Variants in ZC3H12D observed in about 807,000 individuals in gnomAD.
ZC3H12D encodes the protein probable ribonuclease ZC3H12D.
ZC3H12D carries 11 observed loss-of-function variants against 24.2 expected under a neutral mutation model. The observed-to-expected ratio is 0.46, with a 90% confidence interval of 0.29 to 0.75. The LOEUF (loss-of-function observed/expected upper bound fraction) is 0.75. Among genes scored for constraint, ZC3H12D ranks in the 30% least tolerant of loss-of-function variants. The pLI is 0.11. For synonymous variants in ZC3H12D, 333 were observed against 341.8 expected (o/e 0.97, Z 0.28); for missense variants, 740 against 767.7 (o/e 0.96, Z 0.43).
At chr6:149,458,513 C>T (rs529722921) in intron 3 of ZC3H12D, among the ~76,000 whole-genome samples, 2 of 152,204 alleles carry the variant, frequency 1.3e-5, no homozygotes, top group Non-Finnish European at 2.9e-5. Flanking sequence ...AGCAGCTTGT[C>T]TTTTTCGTTC....
At chr6:149,480,082 C>T (rs903440337) in intron 1 of ZC3H12D, among the ~76,000 whole-genome samples, 4 of 152,180 alleles carry the variant, frequency 2.6e-5, no homozygotes, top group Non-Finnish European at 5.9e-5. Context: ...CTCATTCACT[C>T]CCTTGTGTAA....
chr6:149,458,124 G>GTTTTTTTTTTT (rs1562472740), intron 3 of ZC3H12D, among the ~76,000 whole-genome samples: 4 of 37,596 alleles, frequency 1.1e-4, no homozygotes, highest in African/African-American at 1.9e-4. Flanking sequence ...TTTTTTTTTC[G>GTTTTTTTTTTT]TTTCTTTTTT....
chr6:149,477,261 G>C (rs768388859), intron 1 of ZC3H12D, among the ~76,000 whole-genome samples: 1 of 152,262 alleles, frequency 6.6e-6, no homozygotes, highest in Non-Finnish European at 1.5e-5. Context: ...GGTCTGGCAG[G>C]TGAAGGGCAT....
At chr6:149,470,845 G>A (rs1271306933) in intron 2 of ZC3H12D, among the ~76,000 whole-genome samples, 7 of 152,234 alleles carry the variant, frequency 4.6e-5, no homozygotes, top group African/African-American at 7.2e-5. Flanking sequence ...TCAAGTGCTC[G>A]AACGTCACAC....
At chr6:149,476,412 G>T (rs1471944309) in intron 1 of ZC3H12D, among the ~76,000 whole-genome samples, 1 of 152,166 alleles carries the variant, frequency 6.6e-6, no homozygotes, top group African/African-American at 2.4e-5. Context: ...GCTGAGGCAG[G>T]AGACTCGCTG....
intron 4 of ZC3H12D, among the ~76,000 whole-genome samples, chr6:149,455,050 C>T (rs147752224): frequency 6.6e-6 from 1 of 152,322 alleles, no homozygotes; most frequent in East Asian, 1.9e-4. Flanking sequence ...TTATTAATCC[C>T]TTTTCAAGGT....
intron 2 of ZC3H12D, among the ~76,000 whole-genome samples, chr6:149,463,482 A>G (rs786750): frequency 0.48 from 72,283 of 152,122 alleles, 20,742 homozygotes; most frequent in African/African-American, 0.81. Flanking sequence ...AGGCCGAGGC[A>G]GGTGGATCAT....
intron 1 of ZC3H12D, among the ~76,000 whole-genome samples, chr6:149,475,396 T>G (rs1776319108): frequency 1.3e-5 from 2 of 152,120 alleles, no homozygotes; most frequent in Admixed American, 1.3e-4. Context: ...AATGATTAAC[T>G]CAGACCACAC....
rs200789491 is a variant in ZC3H12D, at chr6:149,474,459, C to T, written c.85G>A (p.Glu29Lys). ...DVLRVLGKLG[E>K]GALVNDVLQE... ...AGCACGTCGTTGACCAGGGCGCCCT[C>T]GCCCAGCTTGCCCAACACCCGGAGC... The change falls in exon 2 of 6, where the codon GAG becomes AAG. Residue 29 changes from glutamate to lysine, a missense_variant. Coordinates refer to ENST00000409806, the MANE Select transcript of ZC3H12D (RefSeq NM_207360.3). The T allele has an allele frequency of 7.8e-5, 124 of 1,596,514 alleles. No individual in the cohort carries two copies. In the African/African-American group the frequency reaches 1.4e-3, roughly 18 times the overall value.
rs531938821 is a variant in ZC3H12D at position 149,482,313 on chromosome 6, T to C, written c.-71+2500A>G. On this transcript the variant is annotated intron_variant, in intron 1 of 5. Coordinates refer to ENST00000409806, the MANE Select transcript of ZC3H12D (RefSeq NM_207360.3). ...GCCGCAGCCTTCCCCCGGGACGTGATGGTCTCTGAGCTGCAGCTCTGCCAG... is the reference window on the plus strand; with the variant it reads ...GCCGCAGCCTTCCCCCGGGACGTGACGGTCTCTGAGCTGCAGCTCTGCCAG... Among the ~76,000 whole-genome samples the C allele has an allele frequency of 7.2e-5, 11 of 152,392 alleles. No individual in the cohort carries two copies. The East Asian group carries it at 2.1e-3, about 29-fold the overall frequency.
At position 149,456,979 on chromosome 6, in the gene ZC3H12D, C is replaced by G. The variant is rs1156702783; in HGVS notation, c.446-79G>C. ...GAACCACCCCCAACGCGAGGCCACC[C>G]GCTTCCCGGGCCGGTCAGATGAGGT... On this transcript the variant is annotated intron_variant, in intron 3 of 5. Transcript: ENST00000409806. This position sits in a 1 kb window ranked among gnomAD's most constrained non-coding sequence, Gnocchi z 4.3. 7.1e-7 allele frequency: 1 copy of G among 1,408,180 alleles called. No individual in the cohort carries two copies. The highest frequency in any genetic ancestry group is 1.4e-5 in the African/African-American group (1 of 70,894). 87.2% of individuals were successfully genotyped at this position (1,408,180 alleles called of 1,614,324 possible).
chr6:149,480,420 T>C (rs1000585728), intron 1 of ZC3H12D, among the ~76,000 whole-genome samples: 6 of 152,218 alleles, frequency 3.9e-5, no homozygotes, highest in Admixed American at 1.3e-4. Flanking sequence ...TTCTCACTTA[T>C]AAGTGGGAGT....
intron 1 of ZC3H12D, among the ~76,000 whole-genome samples, chr6:149,480,736 C>CA (rs930976007): frequency 8.2e-5 from 11 of 134,878 alleles, no homozygotes; most frequent in Non-Finnish European, 1.0e-4. Flanking sequence ...AACTCTGTCT[C>CA]AAAAAAAACA....
chr6:149,474,355 G>C lies in ZC3H12D; in HGVS notation c.189C>G (p.Ser63=). The change falls in exon 2 of 6, where the codon TCC becomes TCG. Residue 63 remains serine, a synonymous_variant. Transcript: ENST00000409806. ...GCTGGGCAGAGTCCGGGACCCCACA[G>C]GAGCCCCGAGGCACTAGCCTGGGTG... ...PAAPRLVPRG[S]CGVPDSAQRG... is the part of the protein sequence containing the mutation. 1 of 1,606,696 alleles carries C rather than the reference G, an allele frequency of 6.2e-7. No homozygotes were observed.
At chr6:149,465,212 G>C (rs971469448) in intron 2 of ZC3H12D, among the ~76,000 whole-genome samples, 1 of 152,058 alleles carries the variant, frequency 6.6e-6, no homozygotes, top group Admixed American at 6.6e-5. Context: ...AAATTAGCTG[G>C]GTGTGGTGGC....
rs1776474381 is a variant in ZC3H12D at position 149,484,797 on chromosome 6, G to C, written c.-71+16C>G. The C allele has an allele frequency of 6.6e-6, 1 of 152,236 alleles. No homozygotes were observed. Among genetic ancestry groups the C allele is most frequent in the Non-Finnish European group, 1.5e-5 (1 of 68,056 alleles). The allele number at this position is 152,236 out of a possible 1,614,324, so 9.4% of individuals were successfully genotyped here. On this transcript the variant is annotated intron_variant, in intron 1 of 5. Coordinates refer to ENST00000409806, the MANE Select transcript of ZC3H12D (RefSeq NM_207360.3). ...TGTTGGCCACACTGACTGACAGCCA[G>C]GGGACATGCACTCACCAGCAGGGTG...
At chr6:149,463,577 C>T (rs974439068) in intron 2 of ZC3H12D, among the ~76,000 whole-genome samples, 1 of 152,156 alleles carries the variant, frequency 6.6e-6, no homozygotes, top group Admixed American at 6.5e-5. Flanking sequence ...GGCGTGGTGG[C>T]GCATGCCTAT....
At chr6:149,470,810 G>T (rs1776231560) in intron 2 of ZC3H12D, among the ~76,000 whole-genome samples, 1 of 152,240 alleles carries the variant, frequency 6.6e-6, no homozygotes, top group South Asian at 2.1e-4. Flanking sequence ...ATAGAAGCCA[G>T]TTCCTTGGTT....
chr6:149,480,946 C>T (rs1776416581), intron 1 of ZC3H12D, among the ~76,000 whole-genome samples: 2 of 151,710 alleles, frequency 1.3e-5, no homozygotes, highest in Non-Finnish European at 2.9e-5. Context: ...CCACCTGCCT[C>T]CAGCCCAGCC....
Sources: gnomAD v4.1 joint callset for allele counts (sites outside exome capture counted in the v4.1 genomes callset) on GRCh38, gnomAD v4.1.1 for gene constraint, Gnocchi (gnomAD v3.1) non-coding constraint, MANE v1.5 for transcripts, NCBI Gene and HGNC (gene_info 2026-07-23, HGNC 2026-07-21) for gene names.